The following ATRNL1 variants were observed in gnomAD, a reference collection of about 807,000 sequenced individuals.
The protein encoded by ATRNL1 is attractin-like protein 1.
Under a neutral mutation model 182.7 loss-of-function variants are expected in ATRNL1, and 95 were observed. The observed-to-expected ratio is 0.52, with a 90% CI of 0.44 to 0.62. The LOEUF is 0.62. Among genes scored for constraint, ATRNL1 ranks in the 20% least tolerant of loss-of-function variants. The probability of loss-of-function intolerance (pLI) is 0.00; values close to 1 mark genes in which losing one functional copy is unlikely to be tolerated. For missense variants in ATRNL1, 1,471 were observed against 1,679.5 expected (o/e 0.88, Z 2.17); for synonymous variants, 576 against 568.3 (o/e 1.01, Z -0.19).
intron 26 of ATRNL1, among the ~76,000 whole-genome samples, chr10:115,564,655 A>G (rs1290214962): frequency 3.9e-5 from 6 of 151,934 alleles, no homozygotes; most frequent in African/African-American, 4.8e-5. Flanking sequence ...TGATATGTCT[A>G]TATGTTTCAG....
At chr10:115,623,787 C>T (rs1258953190) in intron 26 of ATRNL1, among the ~76,000 whole-genome samples, 3 of 151,626 alleles carry the variant, frequency 2.0e-5, no homozygotes, top group African/African-American at 4.8e-5. Context: ...AAAAGGTAGA[C>T]GTAGTAAAAT....
At chr10:115,567,506 A>G (rs1555002260) in intron 26 of ATRNL1, among the ~76,000 whole-genome samples, 1 of 152,164 alleles carries the variant, frequency 6.6e-6, no homozygotes, top group Non-Finnish European at 1.5e-5. Flanking sequence ...AAAAGTACAT[A>G]TCACATGATT....
intron 27 of ATRNL1, among the ~76,000 whole-genome samples, chr10:115,815,231 T>G (rs1389430366): frequency 6.6e-6 from 1 of 152,218 alleles, no homozygotes; most frequent in Non-Finnish European, 1.5e-5. Flanking sequence ...GACCTGGGGC[T>G]GAGGATCTCC....
chr10:115,681,257 A>C (rs2133950073), intron 26 of ATRNL1, among the ~76,000 whole-genome samples: 1 of 152,310 alleles, frequency 6.6e-6, no homozygotes, highest in Non-Finnish European at 1.5e-5. Context: ...TTAGAGGCTA[A>C]GTCCTTGAAA....
chr10:115,578,891 A>G (rs1444192718), intron 26 of ATRNL1, among the ~76,000 whole-genome samples: 2 of 151,632 alleles, frequency 1.3e-5, no homozygotes, highest in African/African-American at 2.4e-5. Context: ...CTTTTGCTGC[A>G]TCCTATAAGT....
intron 24 of ATRNL1, among the ~76,000 whole-genome samples, chr10:115,498,214 T>C (rs1849647122): frequency 6.6e-6 from 1 of 152,150 alleles, no homozygotes; most frequent in Non-Finnish European, 1.5e-5. Context: ...TTGCCTATTA[T>C]TATTATTTTG....
In ATRNL1 at chr10:115,947,946, T is replaced by C. The variant is rs1439596718; in HGVS notation, c.*3167T>C. The C allele has an allele frequency of 1.3e-5, 2 of 152,214 alleles. No homozygotes were observed. Among genetic ancestry groups the C allele is most frequent in the Non-Finnish European group, 2.9e-5 (2 of 68,030 alleles). The allele number at this position is 152,214 out of a possible 1,614,324, so 9.4% of individuals were successfully genotyped here. On this transcript the variant is annotated 3_prime_UTR_variant, in exon 29 of 29. Coordinates refer to ENST00000355044, the MANE Select transcript of ATRNL1 (RefSeq NM_207303.4). Reference sequence around the variant, plus strand: ...CACAGAAAGCTCCCACAGTGGGACCTTGATGCAGCGTAGCTGGTATTAACA... The same window carrying C: ...CACAGAAAGCTCCCACAGTGGGACCCTGATGCAGCGTAGCTGGTATTAACA...
At chr10:115,415,378 A>G (rs1432077494) in intron 20 of ATRNL1, among the ~76,000 whole-genome samples, 1 of 151,936 alleles carries the variant, frequency 6.6e-6, no homozygotes, top group Non-Finnish European at 1.5e-5. Context: ...CTATAAAATT[A>G]TTAGTTTCCC....
At chr10:115,753,121 A>T (rs1948492543) in intron 27 of ATRNL1, among the ~76,000 whole-genome samples, 1 of 152,020 alleles carries the variant, frequency 6.6e-6, no homozygotes, top group Non-Finnish European at 1.5e-5. Context: ...GCACATATGG[A>T]AGATTTGATG....
chr10:115,732,278 A>G (rs1353381042), intron 27 of ATRNL1, among the ~76,000 whole-genome samples: 2 of 152,154 alleles, frequency 1.3e-5, no homozygotes, highest in Non-Finnish European at 1.5e-5. Context: ...TTGAAAATCA[A>G]TTTACCATAA....
At chr10:115,634,913 G>A (rs1858762657) in intron 26 of ATRNL1, among the ~76,000 whole-genome samples, 1 of 151,440 alleles carries the variant, frequency 6.6e-6, no homozygotes, top group African/African-American at 2.4e-5. Flanking sequence ...ATATCCATGA[G>A]AACAAAAGGG....
chr10:115,464,321 A>C (rs1296695880), intron 22 of ATRNL1, among the ~76,000 whole-genome samples: 1 of 142,072 alleles, frequency 7.0e-6, no homozygotes, highest in Admixed American at 7.1e-5. Context: ...AATTATTTAT[A>C]CATTTCCTAC....
At chr10:115,847,729 G>A in intron 27 of ATRNL1, 148 bp from the exon 28 acceptor site, 1 of 604,128 alleles carries the variant, frequency 1.7e-6, no homozygotes, top group South Asian at 2.0e-5. Context: ...CATCCATAGT[G>A]TGCAAGGAGC....
chr10:115,291,008 C>G (rs1476370883), intron 15 of ATRNL1, among the ~76,000 whole-genome samples: 1 of 152,198 alleles, frequency 6.6e-6, no homozygotes, highest in East Asian at 1.9e-4. Context: ...TGCCTGGCCC[C>G]CAGGTAGCCT....
At chr10:115,202,589 A>G (rs1449939816) in intron 8 of ATRNL1, among the ~76,000 whole-genome samples, 7 of 151,138 alleles carry the variant, frequency 4.6e-5, no homozygotes, top group African/African-American at 1.7e-4. Flanking sequence ...AGCCCACTTG[A>G]TCATGGTGGA....
chr10:115,834,951 A>G (rs1212168079), intron 27 of ATRNL1, among the ~76,000 whole-genome samples: 2 of 152,204 alleles, frequency 1.3e-5, no homozygotes, highest in African/African-American at 4.8e-5. Flanking sequence ...TCTTGCTAAT[A>G]CTTGGAACAT....
intron 26 of ATRNL1, among the ~76,000 whole-genome samples, chr10:115,672,159 C>T (rs2133930447): frequency 6.6e-6 from 1 of 152,098 alleles, no homozygotes; most frequent in South Asian, 2.1e-4. Context: ...TATATATGCC[C>T]AGCCAGGAAA....
intron 28 of ATRNL1, among the ~76,000 whole-genome samples, chr10:115,875,876 C>G (rs1485603859): frequency 3.3e-5 from 5 of 152,138 alleles, no homozygotes; most frequent in Non-Finnish European, 7.3e-5. Context: ...TTAGATTTCA[C>G]AGTCAAAAAT....
intron 26 of ATRNL1, among the ~76,000 whole-genome samples, chr10:115,645,717 T>C (rs1375957139): frequency 3.3e-5 from 5 of 151,900 alleles, no homozygotes; most frequent in Non-Finnish European, 7.4e-5. Context: ...CTCTGAATGT[T>C]TACTAGTTTT....
Sources: gnomAD v4.1 joint callset for allele counts (sites outside exome capture counted in the v4.1 genomes callset) on GRCh38, gnomAD v4.1.1 for gene constraint, MANE v1.5 for transcripts, NCBI Gene and HGNC (gene_info 2026-07-23, HGNC 2026-07-21) for gene names.